INTS7: variants seen among roughly 807,000 people sequenced by gnomAD.
INTS7 encodes integrator complex subunit 7, also known as chromosome 1 open reading frame 73.
Under a neutral mutation model 109.2 loss-of-function variants are expected in INTS7, and 46 were observed. The observed-to-expected ratio is 0.42, with a 90% CI of 0.33 to 0.54. The LOEUF (loss-of-function observed/expected upper bound fraction) is 0.54, where lower values mean the gene tolerates loss of function less well. INTS7 is among the 20% of genes least tolerant of loss of function. The pLI is 0.07. For missense variants in INTS7, 929 were observed against 1,132.4 expected (o/e 0.82, Z 2.58); for synonymous variants, 412 against 402.9 (o/e 1.02, Z -0.27).
Position 212,016,736 on chromosome 1 carries a change from C to T in INTS7, c.509+150G>A, listed in dbSNP as rs995417647. The stretch of plus-strand genomic sequence containing the variant: ...TTTTATGAATTTAAGTCTTGTTTCC[C>T]CAACATAAGGTAAACCTTCTTGGAA... On this transcript the variant is annotated intron_variant, in intron 4 of 19. Coordinates refer to ENST00000366994, the MANE Select transcript of INTS7 (RefSeq NM_015434.4). 3.0e-5 allele frequency: 18 copies of T among 598,156 alleles called. No individual in the cohort carries two copies. The Admixed American group carries it at 6.3e-4, about 21-fold the overall frequency. 37.1% of individuals were successfully genotyped at this position (598,156 alleles called of 1,614,324 possible). A position where few individuals can be genotyped will look rare whatever the true frequency, so the allele number is the denominator to read the frequency against.
intron 10 of INTS7, among the ~76,000 whole-genome samples, chr1:211,980,391 A>G (rs1193565392): frequency 1.3e-5 from 2 of 152,174 alleles, no homozygotes; most frequent in Non-Finnish European, 2.9e-5. Context: ...ATCACAAATT[A>G]TATTTCACGT....
At chr1:211,992,523 T>A (rs577830669) in intron 7 of INTS7, among the ~76,000 whole-genome samples, 3 of 152,152 alleles carry the variant, frequency 2.0e-5, no homozygotes, top group East Asian at 1.9e-4. Context: ...CTACTAAAAA[T>A]TTTTTAAAAA....
At chr1:211,995,385 A>T (rs190218837) in intron 7 of INTS7, among the ~76,000 whole-genome samples, 1 of 152,174 alleles carries the variant, frequency 6.6e-6, no homozygotes, top group East Asian at 1.9e-4. Context: ...TTCTTTCTTT[A>T]TTTTACCTGA....
chr1:212,004,560 G>A (rs1212523154), intron 7 of INTS7, among the ~76,000 whole-genome samples: 1 of 152,128 alleles, frequency 6.6e-6, no homozygotes, highest in Non-Finnish European at 1.5e-5. Context: ...ACATGTTCAT[G>A]CACTGGAAGA....
At chr1:211,965,151 C>G (rs1024075474) in intron 16 of INTS7, among the ~76,000 whole-genome samples, 1 of 150,040 alleles carries the variant, frequency 6.7e-6, no homozygotes, top group Non-Finnish European at 1.5e-5. Context: ...GACATGAACA[C>G]TTTTCAAAGA....
intron 1 of INTS7, among the ~76,000 whole-genome samples, chr1:212,033,403 T>C (rs957226776): frequency 3.3e-5 from 5 of 152,232 alleles, no homozygotes; most frequent in Admixed American, 1.3e-4. Context: ...GAGCCTGAGA[T>C]TCACCTGTAA....
chr1:212,002,021 G>C (rs1665692557), intron 7 of INTS7, among the ~76,000 whole-genome samples: 1 of 152,092 alleles, frequency 6.6e-6, no homozygotes, highest in South Asian at 2.1e-4. Flanking sequence ...ATCTCCACCT[G>C]GATGTCTAAC....
intron 8 of INTS7, among the ~76,000 whole-genome samples, chr1:211,986,435 C>T (rs112063074): frequency 2.6e-5 from 4 of 152,204 alleles, no homozygotes; most frequent in African/African-American, 7.2e-5. Context: ...TGATAATGTA[C>T]TTCAGAGAAT....
intron 6 of INTS7, 108 bp from the exon 7 acceptor site, chr1:212,006,869 C>T (rs1665936486): frequency 1.1e-6 from 1 of 876,422 alleles, no homozygotes; most frequent in Non-Finnish European, 1.7e-6. Flanking sequence ...CACTTCAAAT[C>T]AGAGCCCTGT....
chr1:212,033,705 G>A (rs375750289), intron 1 of INTS7, among the ~76,000 whole-genome samples: 8 of 152,148 alleles, frequency 5.3e-5, no homozygotes, highest in African/African-American at 1.2e-4. Context: ...GAACTCGTAG[G>A]GATATTAGAT....
chr1:211,952,778 A>G, intron 16 of INTS7, 77 bp from the exon 17 acceptor site: 2 of 1,219,132 alleles, frequency 1.6e-6, no homozygotes, highest in South Asian at 2.7e-5. Flanking sequence ...AGGTACTTTC[A>G]ACATATTTTC....
intron 1 of INTS7, among the ~76,000 whole-genome samples, chr1:212,023,400 C>T (rs1162414496): frequency 6.6e-6 from 1 of 152,188 alleles, no homozygotes; most frequent in Non-Finnish European, 1.5e-5. Flanking sequence ...TTCTTCACAG[C>T]CTCACAGCAT....
At chr1:212,012,803 T>C (rs772728260) in intron 4 of INTS7, among the ~76,000 whole-genome samples, 1 of 152,202 alleles carries the variant, frequency 6.6e-6, no homozygotes, top group Non-Finnish European at 1.5e-5. Flanking sequence ...AATTAGCTTC[T>C]AATAAGAACA....
intron 1 of INTS7, among the ~76,000 whole-genome samples, chr1:212,024,040 T>C (rs1342228767): frequency 2.7e-4 from 41 of 152,186 alleles, no homozygotes; most frequent in Admixed American, 2.7e-3. Context: ...CAGCTTTATC[T>C]CTGGGTTCTC....
At chr1:212,029,017 G>C (rs1409348640) in intron 1 of INTS7, among the ~76,000 whole-genome samples, 2 of 152,198 alleles carry the variant, frequency 1.3e-5, no homozygotes, top group Non-Finnish European at 2.9e-5. Context: ...TCAAGAATGA[G>C]ACATTTAAAT....
intron 9 of INTS7, among the ~76,000 whole-genome samples, chr1:211,982,133 C>G (rs189683147): frequency 4.8e-4 from 73 of 152,278 alleles, no homozygotes; most frequent in African/African-American, 1.4e-3. Flanking sequence ...GAACACAAGT[C>G]AAAAGATGTT....
At chr1:212,011,090 CCTT>C (rs1666149334) in intron 5 of INTS7, among the ~76,000 whole-genome samples, 4 of 152,102 alleles carry the variant, frequency 2.6e-5, no homozygotes, top group Admixed American at 1.3e-4. Context: ...GACTCTCTAT[CCTT>C]CTTCTCTCAC....
chr1:212,001,216 C>T (rs893885689), intron 7 of INTS7, among the ~76,000 whole-genome samples: 2 of 151,892 alleles, frequency 1.3e-5, no homozygotes, highest in African/African-American at 4.8e-5. Flanking sequence ...TACAGGCATG[C>T]GCCATCACGC....
intron 1 of INTS7, among the ~76,000 whole-genome samples, chr1:212,024,366 C>T (rs557751988): frequency 2.6e-5 from 4 of 152,026 alleles, no homozygotes; most frequent in Admixed American, 6.6e-5. Context: ...TTTGTGTCAC[C>T]TAAGATTCCT....
Sources: allele counts gnomAD v4.1 joint callset (sites outside exome capture counted in the v4.1 genomes callset), GRCh38; gene constraint gnomAD v4.1.1; transcripts MANE v1.5; gene names NCBI Gene and HGNC (gene_info 2026-07-23, HGNC 2026-07-21).